The following KLKB1 variants were observed in gnomAD, a reference collection of about 807,000 sequenced individuals.
KLKB1 encodes plasma kallikrein.
Under a neutral mutation model 73.6 loss-of-function variants are expected in KLKB1, and 58 were observed. That is an observed-to-expected ratio of 0.79 (90% CI 0.64 to 0.98). The LOEUF (loss-of-function observed/expected upper bound fraction) is 0.98. Among genes scored for constraint, KLKB1 ranks in the 50% least tolerant of loss-of-function variants. The pLI, the probability that KLKB1 is intolerant of heterozygous loss-of-function variation, is 0.00. For synonymous variants in KLKB1, 280 were observed against 258.1 expected (o/e 1.08, Z -0.81); for missense variants, 737 against 763.8 (o/e 0.96, Z 0.41).
At chr4:186,237,003 C>G in intron 5 of KLKB1, 63 bp downstream of exon 5, 1 of 1,546,876 alleles carries the variant, frequency 6.5e-7, no homozygotes. Flanking sequence ...CTGTATTCTT[C>G]TTAACCTCTT....
chr4:186,215,190 C>A (rs1205410353), intron 2 of KLKB1, among the ~76,000 whole-genome samples: 2 of 151,298 alleles, frequency 1.3e-5, no homozygotes, highest in East Asian at 1.9e-4. Context: ...AAAATGTTTT[C>A]AGTTTACTTT....
Position 186,254,861 on chromosome 4 carries a change from G to A in KLKB1, c.1489+98G>A, listed in dbSNP as rs1464410386. 2.3e-5 allele frequency: 25 copies of A among 1,093,730 alleles called. No homozygotes were observed. In the East Asian group the frequency reaches 3.9e-4, roughly 17 times the overall value. 67.8% of individuals were successfully genotyped at this position (1,093,730 alleles called of 1,614,324 possible). On this transcript the variant is annotated intron_variant, in intron 12 of 14. Coordinates refer to ENST00000264690, the MANE Select transcript of KLKB1 (RefSeq NM_000892.5). Reference sequence around the variant, plus strand: ...GGGCAGACCTAGAGAGACTGTCGTCGTTTTCTGACTGGTGGAGTTGAGGGA... The same window carrying A: ...GGGCAGACCTAGAGAGACTGTCGTCATTTTCTGACTGGTGGAGTTGAGGGA...
At chr4:186,236,675 C>A in intron 4 of KLKB1, 106 bp from the exon 5 acceptor site, 1 of 1,080,424 alleles carries the variant, frequency 9.3e-7, no homozygotes, top group Non-Finnish European at 1.4e-6. Context: ...GTTGCCAAAA[C>A]TGGGCTATTA....
At chr4:186,215,577 T>C (rs563781824) in intron 2 of KLKB1, among the ~76,000 whole-genome samples, 42 of 151,260 alleles carry the variant, frequency 2.8e-4, no homozygotes, top group Admixed American at 9.8e-4. Context: ...ATTTATTTAT[T>C]TATTTATCTA....
chr4:186,254,377 T>C (rs1738867990), intron 11 of KLKB1, among the ~76,000 whole-genome samples: 1 of 152,248 alleles, frequency 6.6e-6, no homozygotes, highest in Admixed American at 6.5e-5. Flanking sequence ...ATTACATAAA[T>C]GTACACTTTT....
intron 2 of KLKB1, among the ~76,000 whole-genome samples, chr4:186,217,151 T>A (rs1736924750): frequency 6.6e-6 from 1 of 152,154 alleles, no homozygotes; most frequent in Admixed American, 6.5e-5. Flanking sequence ...ATGTAACATG[T>A]TTCACTGTAA....
intron 6 of KLKB1, among the ~76,000 whole-genome samples, chr4:186,245,123 A>G (rs1259341816): frequency 6.6e-6 from 1 of 152,140 alleles, no homozygotes; most frequent in African/African-American, 2.4e-5. Flanking sequence ...ACTAAAAAGG[A>G]GTGCATAAAA....
intron 4 of KLKB1, 93 bp from the exon 5 acceptor site, chr4:186,236,688 A>C (rs182007030): frequency 7.7e-7 from 1 of 1,299,212 alleles, no homozygotes; most frequent in East Asian, 2.3e-5. Context: ...GGCTATTATC[A>C]TTCTAAACTA....
At chr4:186,253,800 T>A (rs540194173) in intron 11 of KLKB1, among the ~76,000 whole-genome samples, 1 of 151,914 alleles carries the variant, frequency 6.6e-6, no homozygotes, top group East Asian at 1.9e-4. Flanking sequence ...TTTCATACTT[T>A]CCAAAATACA....
intron 2 of KLKB1, chr4:186,228,748 C>A (rs1737262020): frequency 6.4e-6 from 1 of 155,360 alleles, no homozygotes; most frequent in Admixed American, 6.3e-5. Flanking sequence ...ACTTAGCAAA[C>A]CATGCATTTG....
intron 14 of KLKB1, 79 bp from the exon 15 acceptor site, chr4:186,257,942 A>G (rs1036728299): frequency 3.2e-5 from 41 of 1,268,576 alleles, no homozygotes; most frequent in Non-Finnish European, 4.7e-5. Flanking sequence ...GTAGTGGACT[A>G]CAGAACTTTA....
At chr4:186,232,933 G>A (rs1045281654) in intron 3 of KLKB1, among the ~76,000 whole-genome samples, 4 of 152,172 alleles carry the variant, frequency 2.6e-5, no homozygotes, top group Non-Finnish European at 5.9e-5. Flanking sequence ...GTGTGTGTGT[G>A]TGATGGAGTC....
intron 6 of KLKB1, among the ~76,000 whole-genome samples, chr4:186,245,229 A>G (rs182230891): frequency 5.8e-4 from 88 of 152,328 alleles, no homozygotes; most frequent in African/African-American, 1.8e-3. Context: ...CAAGGGAAAC[A>G]GGCCCTTGAA....
intron 2 of KLKB1, among the ~76,000 whole-genome samples, chr4:186,220,488 C>T (rs1366325047): frequency 6.6e-6 from 1 of 152,202 alleles, no homozygotes; most frequent in Non-Finnish European, 1.5e-5. Flanking sequence ...ACTCCCCATA[C>T]TCTGGCTACC....
intron 6 of KLKB1, among the ~76,000 whole-genome samples, chr4:186,247,559 G>T: frequency 6.6e-6 from 1 of 152,190 alleles, no homozygotes; most frequent in Non-Finnish European, 1.5e-5. Flanking sequence ...ATGTATGCAT[G>T]TAGGCTTGGG....
Position 186,250,383 on chromosome 4 carries a change from T to C in KLKB1, c.739T>C (p.Trp247Arg). ...CLFFTFYTNVWKIESQRNVCL... is the reference protein window; with the variant it reads ...CLFFTFYTNVRKIESQRNVCL... Reference sequence around the variant, plus strand: ...CTTCTTTACATTCTATACAAATGTATGGAAAATCGAGTCACAAAGGCGAGT... The same window carrying C: ...CTTCTTTACATTCTATACAAATGTACGGAAAATCGAGTCACAAAGGCGAGT... Residue 247 changes from tryptophan to arginine, a missense_variant, in exon 7 of 15, where the codon TGG becomes CGG. By Grantham distance (101) the Trp-to-Arg change is moderately radical. Transcript: ENST00000264690. 8 of 1,614,160 alleles carry C rather than the reference T, an allele frequency of 5.0e-6. No individual in the cohort carries two copies. Among genetic ancestry groups the C allele is most frequent in the Non-Finnish European group, 6.8e-6 (8 of 1,179,998 alleles).
chr4:186,215,300 G>GGA (rs539455157), intron 2 of KLKB1, among the ~76,000 whole-genome samples: 1 of 144,198 alleles, frequency 6.9e-6, no homozygotes, highest in Non-Finnish European at 1.5e-5. Flanking sequence ...CTCCTGGGAA[G>GGA]GAGAGTAGCC....
chr4:186,236,069 G>A (rs1320755523), intron 4 of KLKB1, among the ~76,000 whole-genome samples: 5 of 144,304 alleles, frequency 3.5e-5, no homozygotes, highest in Non-Finnish European at 7.4e-5. Flanking sequence ...AGTCGAGATC[G>A]CGCCACTGCG....
Position 186,248,595 on chromosome 4 carries a change from A to ATTTTTTTTTTTTTTTTTTTTTTTTT in KLKB1, c.599-1629_599-1628insTTTTTTTTTTTTTTTTTTTTTTTTT, listed in dbSNP as rs138717531. Among the ~76,000 whole-genome samples, 6 of 114,920 alleles carry ATTTTTTTTTTTTTTTTTTTTTTTTT rather than the reference A, an allele frequency of 5.2e-5. 1 individual carries two copies. The highest frequency in any genetic ancestry group is 5.4e-4 in the East Asian group (2 of 3,734). 75.4% of individuals were successfully genotyped at this position (114,920 alleles called of 152,430 possible). ...TGATGAACATTTGAGTTGTTTCTGG[A>ATTTTTTTTTTTTTTTTTTTTTTTTT]TTTTTTTTTTTTTTTTTTTGCCTCT... is the stretch of plus-strand genomic sequence containing the variant. On this transcript the variant is annotated intron_variant, in intron 6 of 14. Coordinates refer to ENST00000264690, the MANE Select transcript of KLKB1 (RefSeq NM_000892.5).
Sources: gnomAD v4.1 joint callset for allele counts (sites outside exome capture counted in the v4.1 genomes callset) on GRCh38, gnomAD v4.1.1 for gene constraint, MANE v1.5 for transcripts, NCBI Gene and HGNC (gene_info 2026-07-23, HGNC 2026-07-21) for gene names.